The following CACNA2D3 variants were observed in gnomAD, a reference collection of about 807,000 sequenced individuals.
The protein encoded by CACNA2D3 is calcium voltage-gated channel auxiliary subunit alpha2delta 3.
In CACNA2D3, 60 loss-of-function variants were observed where a neutral mutation model predicts 160.6. The observed-to-expected ratio is 0.37, with a 90% CI of 0.30 to 0.46. CACNA2D3 has a LOEUF of 0.46. CACNA2D3 is among the 20% of genes least tolerant of loss of function. The pLI, the probability that CACNA2D3 is intolerant of heterozygous loss-of-function variation, is 1.00. For missense variants in CACNA2D3, 1,205 were observed against 1,365.0 expected (o/e 0.88, Z 1.85); for synonymous variants, 558 against 492.9 (o/e 1.13, Z -1.75).
intron 6 of CACNA2D3, among the ~76,000 whole-genome samples, chr3:54,564,324 A>G (rs1014073122): frequency 3.9e-5 from 6 of 152,242 alleles, no homozygotes; most frequent in Admixed American, 1.3e-4. Flanking sequence ...TAATTTACAT[A>G]CAAGGTTTTT....
chr3:54,507,751 C>T (rs187386558), intron 5 of CACNA2D3, among the ~76,000 whole-genome samples: 4 of 152,326 alleles, frequency 2.6e-5, no homozygotes, highest in Admixed American at 1.3e-4. Flanking sequence ...CCCAGAGTCA[C>T]ACCCAGATCC....
intron 27 of CACNA2D3, among the ~76,000 whole-genome samples, chr3:54,958,450 G>A (rs1360771958): frequency 1.3e-5 from 2 of 152,188 alleles, no homozygotes; most frequent in Non-Finnish European, 2.9e-5. Flanking sequence ...AGCAGTAAGG[G>A]AGAATACAAC....
chr3:55,010,754 G>T (rs1703194142), intron 34 of CACNA2D3, among the ~76,000 whole-genome samples: 1 of 152,114 alleles, frequency 6.6e-6, no homozygotes, highest in Non-Finnish European at 1.5e-5. Context: ...TAAGATCCCA[G>T]TCTGTGAGGA....
At chr3:55,061,488 C>A (rs1193553228) in intron 35 of CACNA2D3, among the ~76,000 whole-genome samples, 4 of 152,118 alleles carry the variant, frequency 2.6e-5, no homozygotes, top group Admixed American at 2.6e-4. Flanking sequence ...CACTTGATAT[C>A]CTTTTGTTTA....
rs267599905 is a variant in CACNA2D3, at chr3:54,569,844, G to A, written c.726G>A (p.Arg242=). 6.2e-7 allele frequency: 1 copy of A among 1,609,146 alleles called. No homozygotes were observed. The highest frequency in any genetic ancestry group is 8.5e-7 in the Non-Finnish European group (1 of 1,177,538). The part of the protein sequence containing the change: ...DENGVIAFDC[R]NRKWYIQAAT... ...ATGGAGTCATTGCCTTCGACTGCAG[G>A]AACCGAAAATGGTAGGCAGTGGTCA... Residue 242 remains arginine (R), a synonymous_variant, in exon 7 of 38, where the codon AGG becomes AGA. Coordinates refer to ENST00000474759, the MANE Select transcript of CACNA2D3 (RefSeq NM_018398.3).
chr3:54,369,818 C>G lies in CACNA2D3; in HGVS notation c.322-16897C>G, dbSNP rs182939034. Reference sequence around the variant, plus strand: ...CCTTATATCCCTATAACTCAGACCTCTTATTTGAAGTCTGGCAAATTGCAT... The same window carrying G: ...CCTTATATCCCTATAACTCAGACCTGTTATTTGAAGTCTGGCAAATTGCAT... On this transcript the variant is annotated intron_variant, in intron 3 of 37. Transcript: ENST00000474759. Among the ~76,000 whole-genome samples, 313 of 152,286 alleles carry G rather than the reference C, an allele frequency of 2.1e-3. 1 individual carries two copies. Among genetic ancestry groups the G allele is most frequent in the African/African-American group, 7.2e-3 (301 of 41,550 alleles).
chr3:54,414,763 TCCTA>T, intron 4 of CACNA2D3, among the ~76,000 whole-genome samples: 1 of 151,896 alleles, frequency 6.6e-6, no homozygotes, highest in South Asian at 2.1e-4. Context: ...GTGAATTCTT[TCCTA>T]CCAAAGTCCT....
intron 31 of CACNA2D3, among the ~76,000 whole-genome samples, chr3:54,991,916 C>G (rs1575425466): frequency 6.7e-6 from 1 of 148,312 alleles, no homozygotes; most frequent in Non-Finnish European, 1.5e-5. Context: ...TTCCATATGT[C>G]TGAGTTCTTC....
chr3:54,883,829 T>TCTCTCTCTCCCTCC (rs753661413), intron 21 of CACNA2D3, among the ~76,000 whole-genome samples: 1 of 145,704 alleles, frequency 6.9e-6, no homozygotes, highest in Non-Finnish European at 1.5e-5. Flanking sequence ...CTCTCCTCTC[T>TCTCTCTCTCCCTCC]CTCCCTTCAA....
chr3:54,636,505 A>G (rs923433437), intron 10 of CACNA2D3, among the ~76,000 whole-genome samples: 1 of 152,014 alleles, frequency 6.6e-6, no homozygotes, highest in African/African-American at 2.4e-5. Context: ...TGAGAAATGT[A>G]GAGAGTGAGT....
intron 25 of CACNA2D3, among the ~76,000 whole-genome samples, chr3:54,895,664 G>A (rs1700171540): frequency 6.6e-6 from 1 of 152,116 alleles, no homozygotes; most frequent in African/African-American, 2.4e-5. Flanking sequence ...TTCAACTCAT[G>A]GCCTTTTCCC....
intron 18 of CACNA2D3, chr3:54,874,886 G>A (rs1244197413): frequency 6.6e-6 from 1 of 152,224 alleles, no homozygotes; most frequent in African/African-American, 2.4e-5. Flanking sequence ...AAAAGATAGG[G>A]AGTGCCTTGC....
chr3:54,385,879 T>C, intron 3 of CACNA2D3: 1 of 496,384 alleles, frequency 2.0e-6, no homozygotes, highest in Non-Finnish European at 4.0e-6. Context: ...TCTAAGATTT[T>C]GCTTTTAGTT....
chr3:54,556,965 A>G (rs1002045855), intron 5 of CACNA2D3, among the ~76,000 whole-genome samples: 7 of 151,932 alleles, frequency 4.6e-5, no homozygotes, highest in African/African-American at 1.7e-4. Context: ...GATGTTGGGA[A>G]AATCATATTT....
intron 11 of CACNA2D3, among the ~76,000 whole-genome samples, chr3:54,708,557 G>A (rs1700895919): frequency 6.6e-6 from 1 of 152,170 alleles, no homozygotes; most frequent in Non-Finnish European, 1.5e-5. Context: ...CAGAGACAAA[G>A]CTGGAATCTT....
chr3:54,732,093 G>C (rs898051674), intron 11 of CACNA2D3, among the ~76,000 whole-genome samples: 2 of 152,176 alleles, frequency 1.3e-5, no homozygotes, highest in Admixed American at 6.5e-5. Context: ...CTTACAGGGA[G>C]AGGAAGTATT....
intron 4 of CACNA2D3, among the ~76,000 whole-genome samples, chr3:54,484,830 A>C (rs1176333691): frequency 2.0e-5 from 3 of 151,380 alleles, no homozygotes; most frequent in Non-Finnish European, 4.4e-5. Context: ...TTGAAGAAGA[A>C]CCACCTAGGT....
intron 2 of CACNA2D3, among the ~76,000 whole-genome samples, chr3:54,282,051 G>A (rs1702894022): frequency 6.6e-6 from 1 of 152,226 alleles, no homozygotes; most frequent in African/African-American, 2.4e-5. Context: ...TGACAACAAA[G>A]TGTATACTGA....
chr3:54,515,150 A>T (rs1444266007), intron 5 of CACNA2D3, among the ~76,000 whole-genome samples: 1 of 149,994 alleles, frequency 6.7e-6, no homozygotes, highest in East Asian at 2.0e-4. Flanking sequence ...AAGAAAATGC[A>T]TAGTAAAATC....
Sources: allele counts gnomAD v4.1 joint callset (sites outside exome capture counted in the v4.1 genomes callset), GRCh38; gene constraint gnomAD v4.1.1; transcripts MANE v1.5; gene names NCBI Gene and HGNC (gene_info 2026-07-23, HGNC 2026-07-21).